HS3ST2: variants seen among roughly 807,000 people sequenced by gnomAD.
HS3ST2 encodes the protein heparan sulfate-glucosamine 3-sulfotransferase 2.
Under a neutral mutation model 26.3 loss-of-function variants are expected in HS3ST2, and 17 were observed. That is an observed-to-expected ratio of 0.65 (90% CI 0.44 to 0.97). HS3ST2 has a LOEUF of 0.97. Among genes scored for constraint, HS3ST2 ranks in the 50% least tolerant of loss-of-function variants. HS3ST2 has a pLI of 0.00. For missense variants in HS3ST2, 402 were observed against 501.2 expected (o/e 0.80, Z 1.89); for synonymous variants, 237 against 219.2 (o/e 1.08, Z -0.72).
chr16:22,880,474 A>G (rs1228907944), intron 1 of HS3ST2, among the ~76,000 whole-genome samples: 1 of 152,220 alleles, frequency 6.6e-6, no homozygotes, highest in East Asian at 1.9e-4. Flanking sequence ...ACCTTCAGTA[A>G]CAAAGTATAG....
intron 1 of HS3ST2, among the ~76,000 whole-genome samples, chr16:22,878,863 C>T (rs778985099): frequency 2.6e-5 from 4 of 151,938 alleles, no homozygotes; most frequent in East Asian, 1.9e-4. Context: ...CTGGGGTAGG[C>T]GGGTGCCTGG....
chr16:22,877,511 T>C (rs1472782984), intron 1 of HS3ST2, among the ~76,000 whole-genome samples: 1 of 152,156 alleles, frequency 6.6e-6, no homozygotes, highest in Admixed American at 6.5e-5. Flanking sequence ...TGCATGTCTT[T>C]CTTTATTGGC....
At chr16:22,823,884 A>G (rs1020246006) in intron 1 of HS3ST2, among the ~76,000 whole-genome samples, 3 of 152,258 alleles carry the variant, frequency 2.0e-5, no homozygotes, top group African/African-American at 7.2e-5. Context: ...TTGACCTGCA[A>G]TATTTACAAG....
intron 1 of HS3ST2, among the ~76,000 whole-genome samples, chr16:22,826,223 G>A (rs1211686109): frequency 6.6e-6 from 1 of 152,084 alleles, no homozygotes; most frequent in Non-Finnish European, 1.5e-5. Flanking sequence ...GCATTTGTGG[G>A]GTTGTAGAGG....
At position 22,915,002 on chromosome 16, in the gene HS3ST2, T is replaced by C; in HGVS notation, c.544T>C (p.Phe182Leu). 6.2e-7 allele frequency: 1 copy of C among 1,613,974 alleles called. No homozygotes were observed. The highest frequency in any genetic ancestry group is 8.5e-7 in the Non-Finnish European group (1 of 1,180,002). ...CACGCTGGAGAAGACGCCCAGCTAC[T>C]TTGTCACTCAAGAGGCTCCTCGACG... Reference protein sequence around the residue: ...QITLEKTPSYFVTQEAPRRIF... With the variant: ...QITLEKTPSYLVTQEAPRRIF... Residue 182 changes from phenylalanine to leucine, a missense_variant, in exon 2 of 2, where the codon TTT (phenylalanine) becomes CTT (leucine). This residue lies in a region of HS3ST2 where 237 missense variants were observed against 346.6 expected (regional missense o/e 0.68). Coordinates refer to ENST00000261374, the MANE Select transcript of HS3ST2 (RefSeq NM_006043.2).
At chr16:22,872,898 T>C (rs1454973023) in intron 1 of HS3ST2, among the ~76,000 whole-genome samples, 1 of 152,222 alleles carries the variant, frequency 6.6e-6, no homozygotes, top group African/African-American at 2.4e-5. Flanking sequence ...CAACCACCAG[T>C]ACTGAGATCT....
intron 1 of HS3ST2, among the ~76,000 whole-genome samples, chr16:22,896,682 A>C (rs945144930): frequency 2.0e-5 from 3 of 151,832 alleles, no homozygotes; most frequent in African/African-American, 4.8e-5. Flanking sequence ...TTTCTTTTTT[A>C]TTCTTTTTGG....
rs1902227676 is a variant in HS3ST2 at position 22,897,648 on chromosome 16, A to AT, written c.486-17296_486-17295insT. ...CAATTTTCTAAAATACATTAAAATA[A>AT]GCATCTTTGCCTTGCCTAACTTTAA... On this transcript the variant is annotated intron_variant, in intron 1 of 1. Transcript: ENST00000261374. Among the ~76,000 whole-genome samples the AT allele has an allele frequency of 1.2e-4, 11 of 93,504 alleles. 1 individual carries two copies. The highest frequency in any genetic ancestry group is 1.1e-3 in the Admixed American group (10 of 9,006). The allele number at this position is 93,504 out of a possible 152,430, so 61.3% of individuals were successfully genotyped here. A position where few individuals can be genotyped will look rare whatever the true frequency, so the allele number is the denominator to read the frequency against.
chr16:22,865,774 C>A (rs1901741752), intron 1 of HS3ST2, among the ~76,000 whole-genome samples: 3 of 152,054 alleles, frequency 2.0e-5, no homozygotes, highest in Admixed American at 2.0e-4. Context: ...AGTAAATTAG[C>A]AAAGATAAAT....
intron 1 of HS3ST2, among the ~76,000 whole-genome samples, chr16:22,832,830 C>T (rs1164315447): frequency 1.3e-5 from 2 of 151,718 alleles, no homozygotes; most frequent in Non-Finnish European, 2.9e-5. Flanking sequence ...ACTGACAGCA[C>T]CGATGACCTC....
chr16:22,824,948 G>A (rs934181547), intron 1 of HS3ST2, among the ~76,000 whole-genome samples: 1 of 152,112 alleles, frequency 6.6e-6, no homozygotes, highest in East Asian at 1.9e-4. Flanking sequence ...AAGGCCTCAC[G>A]GTGGCACAAG....
intron 1 of HS3ST2, among the ~76,000 whole-genome samples, chr16:22,913,073 C>A (rs1341711121): frequency 1.3e-5 from 2 of 148,244 alleles, no homozygotes; most frequent in African/African-American, 5.0e-5. Context: ...TGTTCTAGGA[C>A]AGAGCCCAGA....
At chr16:22,823,733 G>A (rs1439164391) in intron 1 of HS3ST2, among the ~76,000 whole-genome samples, 1 of 152,140 alleles carries the variant, frequency 6.6e-6, no homozygotes, top group African/African-American at 2.4e-5. Flanking sequence ...GCTGCAATAA[G>A]CTATAATTGC....
intron 1 of HS3ST2, among the ~76,000 whole-genome samples, chr16:22,888,676 C>T (rs142632654): frequency 5.3e-5 from 8 of 152,120 alleles, no homozygotes; most frequent in East Asian, 3.9e-4. Flanking sequence ...TGTGCCACCG[C>T]GCCTGGCTCC....
chr16:22,815,000 G>C lies in HS3ST2; in HGVS notation c.390G>C (p.Val130=). ...TGAAGAAGGGGGGCACCCGGGCCGT[G>C]CTGGAGTTTATCCGAGTACACCCGG... is the stretch of plus-strand genomic sequence containing the variant. ...VGVKKGGTRA[V]LEFIRVHPDV... is the part of the protein sequence containing the mutation. Residue 130 remains valine (V), a synonymous_variant, in exon 1 of 2, where the codon GTG becomes GTC. Transcript: ENST00000261374. 6.2e-7 allele frequency: 1 copy of C among 1,613,130 alleles called. No individual in the cohort carries two copies. Among genetic ancestry groups the C allele is most frequent in the Non-Finnish European group, 8.5e-7 (1 of 1,179,990 alleles).
At chr16:22,899,010 G>A (rs575124746) in intron 1 of HS3ST2, among the ~76,000 whole-genome samples, 9 of 152,214 alleles carry the variant, frequency 5.9e-5, no homozygotes, top group Non-Finnish European at 1.3e-4. Flanking sequence ...ACTAGGGGGC[G>A]CTGCTATGCT....
At chr16:22,879,469 A>G (rs1901959794) in intron 1 of HS3ST2, among the ~76,000 whole-genome samples, 1 of 152,076 alleles carries the variant, frequency 6.6e-6, no homozygotes, top group African/African-American at 2.4e-5. Flanking sequence ...TGGAAGGATA[A>G]AGGCAGAGGG....
intron 1 of HS3ST2, among the ~76,000 whole-genome samples, chr16:22,873,185 C>G (rs778428226): frequency 2.6e-5 from 4 of 152,190 alleles, no homozygotes; most frequent in Non-Finnish European, 5.9e-5. Context: ...AACAGTCTAA[C>G]TTCGGAGCTA....
Position 22,814,771 on chromosome 16 carries a change from G to A in HS3ST2, c.161G>A (p.Arg54His). ...LGRSRLLGAP[R>H]CLRGPSAGGQ... The stretch of plus-strand genomic sequence containing the variant: ...CGGAGCCGCCTCCTCGGCGCGCCTC[G>A]CTGCCTCCGCGGCCCCAGCGCGGGC... Residue 54 changes from arginine (R) to histidine (H), a missense_variant, in exon 1 of 2, where the codon CGC (arginine) becomes CAC (histidine). By Grantham distance (29) the Arg-to-His change is conservative. This residue lies in a region of HS3ST2 where 165 missense variants were observed against 154.6 expected (regional missense o/e 1.07). Coordinates refer to ENST00000261374, the MANE Select transcript of HS3ST2 (RefSeq NM_006043.2). The A allele has an allele frequency of 1.2e-6, 2 of 1,603,150 alleles. No homozygotes were observed. The highest frequency in any genetic ancestry group is 1.7e-6 in the Non-Finnish European group (2 of 1,176,352).
Sources: allele counts gnomAD v4.1 joint callset (sites outside exome capture counted in the v4.1 genomes callset), GRCh38; gene constraint gnomAD v4.1.1; regional missense constraint gnomAD v4.1.1; transcripts MANE v1.5; gene names NCBI Gene and HGNC (gene_info 2026-07-23, HGNC 2026-07-21).